The following ANK1 variants were observed in gnomAD, a reference collection of about 807,000 sequenced individuals.
ANK1 encodes the protein ankyrin 1.
ANK1 carries 51 observed loss-of-function variants against 210.4 expected under a neutral mutation model. The observed-to-expected ratio is 0.24, with a 90% CI of 0.19 to 0.31. The LOEUF (loss-of-function observed/expected upper bound fraction) is 0.31. Ranked by LOEUF, ANK1 falls within the 10% of genes least tolerant of loss-of-function variation. The pLI, the probability that ANK1 is intolerant of heterozygous loss-of-function variation, is 1.00. For synonymous variants in ANK1, 967 were observed against 1,025.9 expected (o/e 0.94, Z 1.10); for missense variants, 2,051 against 2,504.4 (o/e 0.82, Z 3.86).
intron 2 of ANK1, among the ~76,000 whole-genome samples, chr8:41,749,295 C>CT (rs35569972): frequency 0.084 from 9,715 of 115,300 alleles, 825 homozygotes; most frequent in African/African-American, 0.17. Context: ...TCATCTTGGA[C>CT]TTTTTTTTTT....
At chr8:41,676,633 T>C (rs909157688) in intron 37 of ANK1, among the ~76,000 whole-genome samples, 4 of 152,222 alleles carry the variant, frequency 2.6e-5, no homozygotes, top group African/African-American at 7.2e-5. Context: ...TGGTGTTGTA[T>C]CTGAGAAATC....
At chr8:41,688,408 G>C in intron 34 of ANK1, 103 bp downstream of exon 34, 2 of 1,467,592 alleles carry the variant, frequency 1.4e-6, no homozygotes, top group Non-Finnish European at 1.9e-6. Context: ...CTGGCTGAGC[G>C]AGCGGCACCT....
intron 10 of ANK1, among the ~76,000 whole-genome samples, chr8:41,718,861 A>G (rs984730949): frequency 2.6e-5 from 4 of 152,208 alleles, no homozygotes; most frequent in Admixed American, 2.6e-4. Context: ...TAAACATCCT[A>G]CAACACACAA....
chr8:41,825,921 T>C (rs1805294032), intron 1 of ANK1, among the ~76,000 whole-genome samples: 1 of 152,216 alleles, frequency 6.6e-6, no homozygotes, highest in East Asian at 1.9e-4. Context: ...TCCCCAGCCA[T>C]GTGGAACTGT....
intron 1 of ANK1, among the ~76,000 whole-genome samples, chr8:41,893,397 T>C (rs922500729): frequency 1.3e-5 from 2 of 152,208 alleles, no homozygotes; most frequent in Admixed American, 6.5e-5. Flanking sequence ...GAAGCAGGCA[T>C]TGTTAGAGCT....
chr8:41,865,500 G>A (rs1563931060), intron 1 of ANK1, among the ~76,000 whole-genome samples: 1 of 152,094 alleles, frequency 6.6e-6, no homozygotes, highest in East Asian at 1.9e-4. Context: ...TCCCAGATCT[G>A]CATCTCCAGC....
chr8:41,690,167 TG>T (rs935770201), intron 33 of ANK1, 59 bp downstream of exon 33: 1 of 1,612,450 alleles, frequency 6.2e-7, no homozygotes, highest in Non-Finnish European at 8.5e-7. Context: ...GGGGTCTGTT[TG>T]GGGACCTCCT....
intron 1 of ANK1, among the ~76,000 whole-genome samples, chr8:41,789,825 C>T (rs764998827): frequency 1.3e-5 from 2 of 152,144 alleles, no homozygotes; most frequent in East Asian, 1.9e-4. Context: ...TTCAATACCA[C>T]GTTAAGATGA....
chr8:41,708,389 T>A (rs1030418686), intron 17 of ANK1, among the ~76,000 whole-genome samples: 3 of 152,176 alleles, frequency 2.0e-5, no homozygotes. Flanking sequence ...TCAGTGTTTT[T>A]AAAAATATCT....
chr8:41,672,661 C>A lies in ANK1; in HGVS notation c.4789G>T (p.Gly1597Cys). 3 of 1,614,232 alleles carry A rather than the reference C, an allele frequency of 1.9e-6. No individual in the cohort carries two copies. The highest frequency in any genetic ancestry group is 2.5e-6 in the Non-Finnish European group (3 of 1,180,040). Residue 1597 changes from glycine (G) to cysteine (C), a missense_variant, in exon 38 of 43, where the codon GGT becomes TGT. Physicochemically the swap from Gly to Cys is radical, Grantham distance 159 (BLOSUM62 -3). Around this residue, in one of 6 missense-constraint regions of ANK1, gnomAD observed 496 missense variants for 533.4 expected, o/e 0.93. Coordinates refer to ENST00000289734, the MANE Select transcript of ANK1 (RefSeq NM_000037.4). ...CSKAEDSDAT[G>C]HEWKLEGALS... ...GCCCCCTCCAACTTCCACTCGTGACCTGTGGCATCAGAGTCCTCAGCCTTG... is the reference window on the plus strand; with the variant it reads ...GCCCCCTCCAACTTCCACTCGTGACATGTGGCATCAGAGTCCTCAGCCTTG...
intron 42 of ANK1, among the ~76,000 whole-genome samples, chr8:41,660,731 C>T (rs1211920129): frequency 1.3e-5 from 2 of 152,212 alleles, no homozygotes; most frequent in Admixed American, 1.3e-4. Context: ...AGCACGTCGT[C>T]CACCCCTTAG....
rs140612881 is a variant in ANK1, at chr8:41,712,838, C to T, written c.1800+1318G>A. On this transcript the variant is annotated intron_variant, in intron 16 of 42. Transcript: ENST00000289734. ...CTTTAAATATAATGAACCTGGCTCC[C>T]GTTCCTTTTATATAAGTAGGGGAGT... Among the ~76,000 whole-genome samples, 262 of 152,312 alleles carry T rather than the reference C, an allele frequency of 1.7e-3. 1 individual carries two copies. Among genetic ancestry groups the T allele is most frequent in the African/African-American group, 5.6e-3 (233 of 41,566 alleles).
intron 2 of ANK1, among the ~76,000 whole-genome samples, chr8:41,756,105 A>G (rs1041619554): frequency 9.2e-5 from 14 of 152,162 alleles, no homozygotes; most frequent in Admixed American, 8.5e-4. Flanking sequence ...CTAGGAATGG[A>G]GGCAGGTAGT....
rs114905632 is a variant in ANK1, at chr8:41,661,830, C to T, written c.5544+46G>A. The T allele has an allele frequency of 5.7e-4, 924 of 1,614,060 alleles. 5 individuals are homozygous for T. The African/African-American group carries it at 0.01, about 18-fold the overall frequency. ...GAGTGTTTCATAAAGTAATCAATAT[C>T]GACCTCCAGCTCACTGGGATCCTCC... On this transcript the variant is annotated intron_variant, in intron 41 of 42. Coordinates refer to ENST00000289734, the MANE Select transcript of ANK1 (RefSeq NM_000037.4).
Position 41,704,181 on chromosome 8 carries a change from T to C in ANK1, c.2197-42A>G, listed in dbSNP as rs760360054. ...CATTTAGGCAGGGTTAGCCAGCCACTAGACAGAGACCTGCCTACACATGAT... is the reference window on the plus strand; with the variant it reads ...CATTTAGGCAGGGTTAGCCAGCCACCAGACAGAGACCTGCCTACACATGAT... On this transcript the variant is annotated intron_variant, in intron 19 of 42. Coordinates refer to ENST00000289734, the MANE Select transcript of ANK1 (RefSeq NM_000037.4). This position sits in a 1 kb window ranked among gnomAD's most constrained non-coding sequence, Gnocchi z 4.1. 1 of 1,565,508 alleles carries C rather than the reference T, an allele frequency of 6.4e-7. No individual in the cohort carries two copies. Among genetic ancestry groups the C allele is most frequent in the Non-Finnish European group, 8.8e-7 (1 of 1,136,940 alleles).
chr8:41,875,022 G>A (rs902635269), intron 1 of ANK1, among the ~76,000 whole-genome samples: 1 of 152,198 alleles, frequency 6.6e-6, no homozygotes, highest in Non-Finnish European at 1.5e-5. Context: ...CAGAGAGGAC[G>A]GGCCCAGCAG....
At chr8:41,833,152 G>A (rs923437636) in intron 1 of ANK1, among the ~76,000 whole-genome samples, 7 of 150,870 alleles carry the variant, frequency 4.6e-5, no homozygotes, top group Non-Finnish European at 7.4e-5. Flanking sequence ...TGTGTGGAGC[G>A]AGGCCCCAGG....
At chr8:41,795,167 G>T (rs1587000108) in intron 1 of ANK1, among the ~76,000 whole-genome samples, 1 of 152,330 alleles carries the variant, frequency 6.6e-6, no homozygotes, top group Non-Finnish European at 1.5e-5. Context: ...AGCTGGTTTT[G>T]CAGAGACACT....
At chr8:41,879,602 G>T (rs1587589556) in intron 1 of ANK1, among the ~76,000 whole-genome samples, 1 of 152,312 alleles carries the variant, frequency 6.6e-6, no homozygotes, top group East Asian at 1.9e-4. Flanking sequence ...GCACCAGATT[G>T]TTCCTATTTC....
Sources: gnomAD v4.1 joint callset for allele counts (sites outside exome capture counted in the v4.1 genomes callset) on GRCh38, gnomAD v4.1.1 for gene constraint, gnomAD v4.1.1 regional missense constraint, Gnocchi (gnomAD v3.1) non-coding constraint, MANE v1.5 for transcripts, NCBI Gene and HGNC (gene_info 2026-07-23, HGNC 2026-07-21) for gene names.